CACNB4: variants seen among roughly 807,000 people sequenced by gnomAD.
CACNB4 encodes calcium voltage-gated channel auxiliary subunit beta 4.
CACNB4 carries 32 observed loss-of-function variants against 71.2 expected under a neutral mutation model. The ratio of observed to expected loss-of-function variants is 0.45; its 90% CI spans 0.34 to 0.60. The LOEUF is 0.60. CACNB4 is among the 20% of genes least tolerant of loss of function. CACNB4 has a pLI of 0.01. For synonymous variants in CACNB4, 231 were observed against 236.9 expected, an observed-to-expected ratio of 0.97 and a Z score of 0.23; for missense variants, 464 against 647.9, an observed-to-expected ratio of 0.72 and a Z score of 3.08.
chr2:152,016,074 G>C (rs1035310939), intron 2 of CACNB4, among the ~76,000 whole-genome samples: 2 of 152,130 alleles, frequency 1.3e-5, no homozygotes, highest in Admixed American at 1.3e-4. Flanking sequence ...ATTACCAATT[G>C]CTATAGTATT....
At chr2:151,973,447 G>T in intron 2 of CACNB4, 1 of 569,640 alleles carries the variant, frequency 1.8e-6, no homozygotes, top group East Asian at 2.9e-5. Flanking sequence ...TGAATGCTTT[G>T]CCATCACCCT....
At chr2:151,965,975 G>GATTCTGAATA (rs2099870986) in intron 2 of CACNB4, among the ~76,000 whole-genome samples, 1 of 152,118 alleles carries the variant, frequency 6.6e-6, no homozygotes, top group Admixed American at 6.5e-5. Flanking sequence ...CCAGACTCAA[G>GATTCTGAATA]GTCCGAACAC....
intron 2 of CACNB4, among the ~76,000 whole-genome samples, chr2:151,927,061 G>A (rs2099860428): frequency 1.3e-5 from 2 of 152,160 alleles, no homozygotes; most frequent in Non-Finnish European, 2.9e-5. Flanking sequence ...CTGAGAAGGA[G>A]TCCACGGCTT....
intron 2 of CACNB4, among the ~76,000 whole-genome samples, chr2:152,057,522 T>C (rs1449235541): frequency 6.6e-6 from 1 of 152,172 alleles, no homozygotes; most frequent in East Asian, 1.9e-4. Context: ...ACAGGGAGGC[T>C]TTACATTACA....
chr2:151,973,597 G>C lies in CACNB4; in HGVS notation c.148-90227C>G, dbSNP rs139660380. On this transcript the variant is annotated intron_variant, in intron 2 of 13. Transcript: ENST00000539935. The stretch of plus-strand genomic sequence containing the variant: ...CTGCGTTGCCTAAGAAATAAGAAGC[G>C]GGGGGGTGGAGGGGATAGTGGGAGG... The C allele has an allele frequency of 2.2e-4, 300 of 1,342,468 alleles. 3 individuals carry two copies. In the East Asian group the frequency reaches 6.0e-3, roughly 27 times the overall value. 83.2% of individuals were successfully genotyped at this position (1,342,468 alleles called of 1,614,324 possible).
intron 2 of CACNB4, among the ~76,000 whole-genome samples, chr2:152,023,437 CT>C (rs11341003): frequency 0.99 from 147,707 of 149,860 alleles, 72,831 homozygotes; most frequent in Middle Eastern, 1. Context: ...GTGAGAGGTG[CT>C]TTTTTTTTTT....
Position 151,941,579 on chromosome 2 carries a change from A to G in CACNB4, c.148-58209T>C, listed in dbSNP as rs549582005. 1.3e-4 allele frequency among the ~76,000 whole-genome samples: 19 copies of G among 151,496 alleles called. No homozygotes were observed. In the East Asian group the frequency reaches 1.4e-3, roughly 11 times the overall value. ...TTACAGGCATGAGCCACCGTGCCCA[A>G]CTTCGTCTCAATTTTTGAAAAGGGA... On this transcript the variant is annotated intron_variant, in intron 2 of 13. Transcript: ENST00000539935.
At chr2:151,955,076 C>T (rs1425998872) in intron 2 of CACNB4, among the ~76,000 whole-genome samples, 3 of 151,904 alleles carry the variant, frequency 2.0e-5, no homozygotes, top group African/African-American at 2.4e-5. Context: ...AGGATGGTCT[C>T]GATCTCCTGA....
At position 151,867,947 on chromosome 2, in the gene CACNB4, A is replaced by T. The variant is rs142378197; in HGVS notation, c.758+1230T>A. The T allele has an allele frequency of 6.6e-5, 10 of 152,340 alleles. No individual in the cohort carries two copies. In the East Asian group the frequency reaches 1.7e-3, roughly 26 times the overall value. The allele number at this position is 152,340 out of a possible 1,614,324, so 9.4% of individuals were successfully genotyped here. Reference sequence around the variant, plus strand: ...AAGCTTCCATTGTGTTTGAATCACTACACATTTTGGGGTCTATTTATTAAG... The same window carrying T: ...AAGCTTCCATTGTGTTTGAATCACTTCACATTTTGGGGTCTATTTATTAAG... On this transcript the variant is annotated intron_variant, in intron 9 of 13. Transcript: ENST00000539935.
chr2:151,870,653 GC>G, intron 7 of CACNB4, 42 bp from the exon 8 acceptor site: 1 of 1,487,660 alleles, frequency 6.7e-7, no homozygotes, highest in Non-Finnish European at 9.3e-7. Context: ...GTGAGGTTGA[GC>G]ATGCCTCTCC....
chr2:151,876,432 T>G lies in CACNB4; in HGVS notation c.515A>C (p.His172Pro). The G allele has an allele frequency of 6.3e-7, 1 of 1,595,638 alleles. No individual in the cohort carries two copies. Among genetic ancestry groups the G allele is most frequent in the Non-Finnish European group, 8.6e-7 (1 of 1,168,502 alleles). The change falls in exon 5 of 14, where the codon CAC becomes CCC. Residue 172 changes from histidine to proline, a missense_variant. His to Pro is a moderately conservative substitution (Grantham distance 77). Coordinates refer to ENST00000539935, the MANE Select transcript of CACNB4 (RefSeq NM_000726.5). ...AGAAAAGATGGGAACGTACCCTCCG[T>G]GAAAACGTCCTCTTTTTTGTTCTTG... ...IQQEQKRGRF[H>P]GGKSSGNSSS...
At chr2:151,976,608 G>A (rs1258331281) in intron 2 of CACNB4, among the ~76,000 whole-genome samples, 1 of 152,144 alleles carries the variant, frequency 6.6e-6, no homozygotes, top group African/African-American at 2.4e-5. Context: ...CCACACCTGT[G>A]AGTCACCTAA....
chr2:151,967,749 A>G (rs1251263429), intron 2 of CACNB4: 1 of 152,044 alleles, frequency 6.6e-6, no homozygotes, highest in Non-Finnish European at 1.5e-5. Flanking sequence ...CTGAGTGGAT[A>G]CCTTGGATCA....
In CACNB4 at chr2:151,842,052, C is replaced by G; in HGVS notation, c.1153G>C (p.Glu385Gln). The change falls in exon 13 of 14, where the codon GAG (glutamate) becomes CAG (glutamine). Residue 385 changes from glutamate (E) to glutamine (Q), a missense_variant. Coordinates refer to ENST00000539935, the MANE Select transcript of CACNB4 (RefSeq NM_000726.5). The stretch of plus-strand genomic sequence containing the variant: ...TCCCCTAGATGTTCACATGCATCCT[C>G]AAGCTGATTTTCATCCAATATAACA... ...FDVILDENQL[E>Q]DACEHLGEYL... 6.2e-7 allele frequency: 1 copy of G among 1,613,880 alleles called. No individual in the cohort carries two copies. Among genetic ancestry groups the G allele is most frequent in the East Asian group, 2.2e-5 (1 of 44,882 alleles).
At chr2:152,078,161 C>A (rs187990661) in intron 2 of CACNB4, among the ~76,000 whole-genome samples, 1 of 152,202 alleles carries the variant, frequency 6.6e-6, no homozygotes, top group Non-Finnish European at 1.5e-5. Context: ...AGTCCTTCTG[C>A]GAGGAACAAT....
intron 2 of CACNB4, among the ~76,000 whole-genome samples, chr2:152,028,934 T>A (rs1684116040): frequency 1.3e-5 from 2 of 152,176 alleles, no homozygotes; most frequent in African/African-American, 4.8e-5. Flanking sequence ...CTGAGTAGCT[T>A]TGAAGAAGAA....
intron 2 of CACNB4, among the ~76,000 whole-genome samples, chr2:151,991,263 G>A (rs961439443): frequency 1.3e-5 from 2 of 152,188 alleles, no homozygotes; most frequent in Admixed American, 1.3e-4. Flanking sequence ...TCTGAGTACA[G>A]TAGTTCCATT....
intron 2 of CACNB4, among the ~76,000 whole-genome samples, chr2:151,950,360 T>C (rs558110972): frequency 1.4e-4 from 22 of 152,320 alleles, no homozygotes; most frequent in African/African-American, 4.8e-4. Flanking sequence ...GCTCTAAAGA[T>C]CTCTATCAAA....
intron 2 of CACNB4, among the ~76,000 whole-genome samples, chr2:151,893,614 T>A (rs1363413980): frequency 6.6e-6 from 1 of 152,134 alleles, no homozygotes; most frequent in East Asian, 1.9e-4. Context: ...CACACATATA[T>A]TTTAAAAGAT....
Sources: allele counts gnomAD v4.1 joint callset (sites outside exome capture counted in the v4.1 genomes callset), GRCh38; gene constraint gnomAD v4.1.1; transcripts MANE v1.5; gene names NCBI Gene and HGNC (gene_info 2026-07-23, HGNC 2026-07-21).